Variants in ZFAND3 observed in about 807,000 individuals in gnomAD.
ZFAND3 encodes AN1-type zinc finger protein 3.
In ZFAND3, 10 loss-of-function variants were observed where a neutral mutation model predicts 29.6. The observed-to-expected ratio is 0.34, with a 90% CI of 0.21 to 0.57. ZFAND3 has a LOEUF of 0.57. Among genes scored for constraint, ZFAND3 ranks in the 20% least tolerant of loss-of-function variants. The pLI is 0.86. For synonymous variants in ZFAND3, 128 were observed against 112.6 expected, an observed-to-expected ratio of 1.14 and a Z score of -0.87; for missense variants, 230 against 304.5, an observed-to-expected ratio of 0.76 and a Z score of 1.82.
chr6:38,093,471 T>C (rs1244314476), intron 4 of ZFAND3, among the ~76,000 whole-genome samples: 4 of 152,182 alleles, frequency 2.6e-5, no homozygotes, highest in Non-Finnish European at 4.4e-5. Context: ...ATTGCTAATT[T>C]AGAAACAATG....
chr6:37,820,504 C>T (rs1178312356), intron 1 of ZFAND3, among the ~76,000 whole-genome samples: 1 of 152,212 alleles, frequency 6.6e-6, no homozygotes, highest in East Asian at 1.9e-4. Flanking sequence ...AGATTATATC[C>T]CAGTGCCCCA....
At chr6:37,889,346 A>G (rs913295339) in intron 1 of ZFAND3, among the ~76,000 whole-genome samples, 1 of 152,222 alleles carries the variant, frequency 6.6e-6, no homozygotes, top group Non-Finnish European at 1.5e-5. Flanking sequence ...GATCTGGGTC[A>G]CATAGCCACA....
At chr6:38,051,171 C>A (rs1764018487) in intron 2 of ZFAND3, among the ~76,000 whole-genome samples, 1 of 152,026 alleles carries the variant, frequency 6.6e-6, no homozygotes, top group Admixed American at 6.6e-5. Flanking sequence ...ACCACCTAGG[C>A]TTTTCCCAGT....
intron 4 of ZFAND3, among the ~76,000 whole-genome samples, chr6:38,103,395 A>ATC (rs1491183654): frequency 2.0e-4 from 29 of 147,680 alleles, no homozygotes; most frequent in African/African-American, 7.2e-4. Flanking sequence ...ACACACACAC[A>ATC]TATATATACA....
intron 5 of ZFAND3, among the ~76,000 whole-genome samples, chr6:38,130,270 G>C (rs1765717880): frequency 6.6e-6 from 1 of 152,130 alleles, no homozygotes; most frequent in South Asian, 2.1e-4. Context: ...CAGTGAGTTT[G>C]ACTTCCTCCT....
chr6:37,892,573 G>A (rs1765124039), intron 1 of ZFAND3, among the ~76,000 whole-genome samples: 1 of 152,134 alleles, frequency 6.6e-6, no homozygotes, highest in Non-Finnish European at 1.5e-5. Context: ...AAGAGCAAGT[G>A]AAATCTGAAG....
intron 1 of ZFAND3, among the ~76,000 whole-genome samples, chr6:37,863,359 TCTGTAATC>T (rs925452690): frequency 6.6e-6 from 1 of 152,208 alleles, no homozygotes; most frequent in Non-Finnish European, 1.5e-5. Context: ...GAAAGAAACT[TCTGTAATC>T]CTGGGTAGGT....
chr6:38,129,946 C>T (rs552721513), intron 5 of ZFAND3, among the ~76,000 whole-genome samples: 1 of 152,224 alleles, frequency 6.6e-6, no homozygotes, highest in South Asian at 2.1e-4. Context: ...TCTACCCATC[C>T]ATGAGCATGG....
chr6:37,911,057 G>A lies in ZFAND3; in HGVS notation c.72-18902G>A, dbSNP rs534064653. Among the ~76,000 whole-genome samples the A allele has an allele frequency of 7.2e-5, 11 of 152,186 alleles. No homozygotes were observed. In the South Asian group the frequency reaches 1.2e-3, roughly 17 times the overall value. On this transcript the variant is annotated intron_variant, in intron 1 of 5. Transcript: ENST00000287218. ...TGATTCCATTCCTTTGGATATATAC[G>A]CAGAAGTGGAATTGCTGGCTCAATT...
rs185683414 is a variant in ZFAND3, at chr6:37,823,847, A to G, written c.71+3831A>G. ...GCTCTCATTACTCAGGCTGGAGTGC[A>G]ATGGCGCAAGCTTGGCTCACCGCAA... On this transcript the variant is annotated intron_variant, in intron 1 of 5. Transcript: ENST00000287218. 8.6e-5 allele frequency among the ~76,000 whole-genome samples: 13 copies of G among 151,956 alleles called. No individual in the cohort carries two copies. In the East Asian group the frequency reaches 2.5e-3, roughly 30 times the overall value.
At chr6:37,863,109 C>A (rs772202066) in intron 1 of ZFAND3, among the ~76,000 whole-genome samples, 1 of 152,144 alleles carries the variant, frequency 6.6e-6, no homozygotes, top group Non-Finnish European at 1.5e-5. Flanking sequence ...CTGATTCCTG[C>A]GCTGACACTT....
chr6:38,129,550 A>G (rs1159069579), intron 5 of ZFAND3, among the ~76,000 whole-genome samples: 2 of 152,134 alleles, frequency 1.3e-5, no homozygotes, highest in East Asian at 1.9e-4. Context: ...TGGCTAGCCA[A>G]TTATCCTAGC....
At chr6:37,854,765 C>T (rs1764345545) in intron 1 of ZFAND3, among the ~76,000 whole-genome samples, 1 of 7,176 alleles carries the variant, frequency 1.4e-4, no homozygotes, top group Admixed American at 2.3e-3. Context: ...GGCTAAAATG[C>T]CCCCCCCCCC....
intron 1 of ZFAND3, among the ~76,000 whole-genome samples, chr6:37,922,192 A>G (rs1761394390): frequency 6.6e-6 from 1 of 152,196 alleles, no homozygotes; most frequent in South Asian, 2.1e-4. Context: ...TTTTTCATCT[A>G]GTAAGGTCTC....
intron 5 of ZFAND3, among the ~76,000 whole-genome samples, chr6:38,130,675 GT>G (rs1765725137): frequency 6.6e-6 from 1 of 152,144 alleles, no homozygotes; most frequent in Non-Finnish European, 1.5e-5. Flanking sequence ...TTTGATCATG[GT>G]GGATTATCTT....
intron 1 of ZFAND3, among the ~76,000 whole-genome samples, chr6:37,856,078 G>A (rs979642289): frequency 6.6e-6 from 1 of 151,578 alleles, no homozygotes; most frequent in Non-Finnish European, 1.5e-5. Flanking sequence ...AGGCTGGCTG[G>A]CATGCAGTGG....
intron 4 of ZFAND3, among the ~76,000 whole-genome samples, chr6:38,087,911 G>A (rs1481917252): frequency 4.6e-5 from 7 of 152,178 alleles, no homozygotes; most frequent in Non-Finnish European, 8.8e-5. Flanking sequence ...ATTCACAATA[G>A]CTAAGAATGT....
intron 1 of ZFAND3, among the ~76,000 whole-genome samples, chr6:37,901,573 G>A (rs903354997): frequency 8.5e-5 from 13 of 152,086 alleles, no homozygotes; most frequent in African/African-American, 3.1e-4. Flanking sequence ...AGCCGACATT[G>A]TGCCACTGTG....
At chr6:37,954,873 T>C (rs1184739779) in intron 2 of ZFAND3, among the ~76,000 whole-genome samples, 1 of 152,242 alleles carries the variant, frequency 6.6e-6, no homozygotes, top group East Asian at 1.9e-4. Flanking sequence ...TACTCAACAG[T>C]GTCCCATGAA....
Sources: allele counts gnomAD v4.1 joint callset (sites outside exome capture counted in the v4.1 genomes callset), GRCh38; gene constraint gnomAD v4.1.1; transcripts MANE v1.5; gene names NCBI Gene and HGNC (gene_info 2026-07-23, HGNC 2026-07-21).